Variants in FBXL13 observed in about 807,000 individuals in gnomAD.
FBXL13 encodes the protein F-box and leucine rich repeat protein 13, also known as F-box and leucine-rich repeat protein 13.
A neutral mutation model predicts 83.6 loss-of-function variants in FBXL13; 67 were observed. The ratio of observed to expected loss-of-function variants is 0.80; its 90% CI spans 0.66 to 0.98. The LOEUF (loss-of-function observed/expected upper bound fraction) is 0.98, where lower values mean the gene tolerates loss of function less well. Ranked by LOEUF, FBXL13 falls within the 50% of genes least tolerant of loss-of-function variation. FBXL13 has a pLI of 0.00. For missense variants in FBXL13, 822 were observed against 866.5 expected, an observed-to-expected ratio of 0.95 and a Z score of 0.64; for synonymous variants, 272 against 299.5, an observed-to-expected ratio of 0.91 and a Z score of 0.95.
chr7:103,050,266 G>A (rs1796675323), intron 2 of FBXL13, among the ~76,000 whole-genome samples: 1 of 152,172 alleles, frequency 6.6e-6, no homozygotes, highest in South Asian at 2.1e-4. Flanking sequence ...AAAAAAGCCA[G>A]AAATATGACT....
In FBXL13 at chr7:103,002,105, T is replaced by C. The variant is rs1790462704; in HGVS notation, c.495+22958A>G. Among the ~76,000 whole-genome samples, 13 of 152,290 alleles carry C rather than the reference T, an allele frequency of 8.5e-5. No individual in the cohort carries two copies. In the South Asian group the frequency reaches 2.7e-3, roughly 32 times the overall value. On this transcript the variant is annotated intron_variant, in intron 6 of 19. Transcript: ENST00000313221. The stretch of plus-strand genomic sequence containing the variant: ...TTTTTTACTGTCTTCCTTTGTGCTT[T>C]GTCTGAATACTTACTTTTCTCTGGT...
chr7:102,963,508 A>G, intron 8 of FBXL13, 25 bp downstream of exon 9: 1 of 1,601,708 alleles, frequency 6.2e-7, no homozygotes. Context: ...AAAGCAAGAC[A>G]AATAGTTGTA....
At chr7:102,878,502 G>T (rs777181967) in intron 14 of FBXL13, 52 bp from the exon 16 acceptor site, 1 of 1,299,444 alleles carries the variant, frequency 7.7e-7, no homozygotes, top group Admixed American at 2.2e-5. Context: ...TAAACATATA[G>T]AATAGTATTA....
intron 8 of FBXL13, among the ~76,000 whole-genome samples, chr7:102,951,805 C>CAA (rs5886239): frequency 0.029 from 2,555 of 87,996 alleles, 124 homozygotes; most frequent in East Asian, 0.17. Flanking sequence ...ACTCTCTCTC[C>CAA]AAAAAAAAAA....
chr7:103,018,864 C>G (rs1176825545), intron 6 of FBXL13, among the ~76,000 whole-genome samples: 1 of 152,026 alleles, frequency 6.6e-6, no homozygotes, highest in Non-Finnish European at 1.5e-5. Context: ...TAGACTCCCA[C>G]ACAATAATAA....
At chr7:103,051,047 G>A (rs1006133944) in intron 2 of FBXL13, among the ~76,000 whole-genome samples, 7 of 152,128 alleles carry the variant, frequency 4.6e-5, no homozygotes, top group African/African-American at 1.7e-4. Context: ...AGACTATGCT[G>A]CCTCCCAGGC....
chr7:103,024,072 C>T (rs79170392), intron 6 of FBXL13, among the ~76,000 whole-genome samples: 1,660 of 147,842 alleles, frequency 0.011, 34 homozygotes, highest in African/African-American at 0.039. Flanking sequence ...TCCTATGACA[C>T]GCAATTTACC....
chr7:102,844,884 A>G (rs1204308012), intron 17 of FBXL13, among the ~76,000 whole-genome samples: 1 of 152,208 alleles, frequency 6.6e-6, no homozygotes, highest in Non-Finnish European at 1.5e-5. Context: ...AGGACAACTC[A>G]AATAATTCAG....
chr7:102,953,144 T>TAC (rs1823686873), intron 8 of FBXL13, among the ~76,000 whole-genome samples: 1 of 152,164 alleles, frequency 6.6e-6, no homozygotes, highest in Non-Finnish European at 1.5e-5. Flanking sequence ...AAATACCTCC[T>TAC]ACCTCATTCG....
chr7:102,854,264 C>A (rs1313120810), intron 17 of FBXL13, among the ~76,000 whole-genome samples: 2 of 151,810 alleles, frequency 1.3e-5, no homozygotes, highest in African/African-American at 4.8e-5. Flanking sequence ...AGTAAACTAT[C>A]ACAAAAACAA....
At chr7:102,897,439 AG>A (rs1329888463) in intron 11 of FBXL13, among the ~76,000 whole-genome samples, 1 of 152,188 alleles carries the variant, frequency 6.6e-6, no homozygotes, top group East Asian at 1.9e-4. Flanking sequence ...TAGAGATTTA[AG>A]GAAACATAAA....
At chr7:102,994,587 G>A (rs79017573) in intron 6 of FBXL13, among the ~76,000 whole-genome samples, 1,679 of 152,240 alleles carry the variant, frequency 0.011, 35 homozygotes, top group African/African-American at 0.039. Flanking sequence ...GTTTCCAAAC[G>A]GGGAAGACAA....
intron 6 of FBXL13, among the ~76,000 whole-genome samples, chr7:103,005,490 C>G (rs2129485967): frequency 6.6e-6 from 1 of 152,080 alleles, no homozygotes; most frequent in Non-Finnish European, 1.5e-5. Flanking sequence ...AAAAAAATAC[C>G]ATAGACTGGA....
chr7:102,962,005 G>A (rs1157246227), intron 8 of FBXL13, among the ~76,000 whole-genome samples: 1 of 150,236 alleles, frequency 6.7e-6, no homozygotes, highest in Non-Finnish European at 1.5e-5. Context: ...TTAAACTAAA[G>A]AGCTTCTGCA....
intron 11 of FBXL13, among the ~76,000 whole-genome samples, chr7:102,903,561 T>C (rs1004779111): frequency 5.9e-5 from 9 of 152,140 alleles, no homozygotes; most frequent in East Asian, 1.9e-4. Flanking sequence ...CTGTCATACA[T>C]TGTTTTTATT....
At chr7:102,949,296 AG>A (rs891659008) in intron 8 of FBXL13, among the ~76,000 whole-genome samples, 1 of 152,142 alleles carries the variant, frequency 6.6e-6, no homozygotes, top group African/African-American at 2.4e-5. Flanking sequence ...TTTAATTTCA[AG>A]GGTACATGTA....
At chr7:102,883,397 A>G in exon 14 of FBXL13, 1 of 1,613,880 alleles carries the variant, frequency 6.2e-7, no homozygotes, top group Non-Finnish European at 8.5e-7. Flanking sequence ...AGTCAGCCAT[A>G]TAAATGTGAC....
At chr7:102,974,947 C>T (rs1257826881) in intron 6 of FBXL13, among the ~76,000 whole-genome samples, 1 of 152,136 alleles carries the variant, frequency 6.6e-6, no homozygotes, top group Non-Finnish European at 1.5e-5. Context: ...ACTCATTACT[C>T]ATTCTCCTTC....
intron 17 of FBXL13, among the ~76,000 whole-genome samples, chr7:102,836,263 T>A (rs975351394): frequency 3.9e-5 from 6 of 152,240 alleles, no homozygotes; most frequent in Admixed American, 6.5e-5. Context: ...ATGGAAAATC[T>A]GAGGCACAAA....
Sources: gnomAD v4.1 joint callset for allele counts (sites outside exome capture counted in the v4.1 genomes callset) on GRCh38, gnomAD v4.1.1 for gene constraint, MANE v1.5 for transcripts, NCBI Gene and HGNC (gene_info 2026-07-23, HGNC 2026-07-21) for gene names.